The following FARP1 variants were observed in gnomAD, a reference collection of about 807,000 sequenced individuals.
FARP1 encodes FERM, ARH/RhoGEF and pleckstrin domain protein 1, also known as FERM, ARHGEF and pleckstrin domain-containing protein 1.
A neutral mutation model predicts 128.8 loss-of-function variants in FARP1; 52 were observed. That is an observed-to-expected ratio of 0.40 (90% confidence interval 0.32 to 0.51). FARP1 has a LOEUF of 0.51. FARP1 is among the 20% of genes least tolerant of loss of function. The pLI, the probability that FARP1 is intolerant of heterozygous loss-of-function variation, is 0.45. For synonymous variants in FARP1, 580 were observed against 551.8 expected, an observed-to-expected ratio of 1.05 and a Z score of -0.72; for missense variants, 1,333 against 1,367.9, an observed-to-expected ratio of 0.97 and a Z score of 0.40.
At position 98,446,166 on chromosome 13, in the gene FARP1, G is replaced by A. The variant is rs754186774; in HGVS notation, c.2865G>A (p.Val955=). The part of the protein sequence containing the change: ...NSNGWQKLWV[V]FTNFCLFFYK... ...ACGGGTGGCAGAAGCTGTGGGTGGTGTTCACAAACTTCTGCCTGTTCTTCT... is the reference window on the plus strand; with the variant it reads ...ACGGGTGGCAGAAGCTGTGGGTGGTATTCACAAACTTCTGCCTGTTCTTCT... Residue 955 remains valine, a synonymous_variant, in exon 25 of 27, where the codon GTG becomes GTA. Coordinates refer to ENST00000319562, the MANE Select transcript of FARP1 (RefSeq NM_005766.4). The A allele has an allele frequency of 1.2e-6, 2 of 1,613,960 alleles. No homozygotes were observed. Among genetic ancestry groups the A allele is most frequent in the South Asian group, 2.2e-5 (2 of 91,074 alleles).
intron 1 of FARP1, among the ~76,000 whole-genome samples, chr13:98,149,372 A>T (rs1254794040): frequency 6.6e-6 from 1 of 150,828 alleles, no homozygotes; most frequent in Admixed American, 6.7e-5. Flanking sequence ...TGGCCATTCA[A>T]GTTGTTTTCA....
At chr13:98,360,245 G>A (rs1336527507) in intron 3 of FARP1, among the ~76,000 whole-genome samples, 3 of 152,004 alleles carry the variant, frequency 2.0e-5, no homozygotes, top group East Asian at 3.9e-4. Context: ...ACAGGCATGC[G>A]CCACCACGGC....
chr13:98,295,440 T>G (rs1226548912), intron 2 of FARP1, among the ~76,000 whole-genome samples: 1 of 152,058 alleles, frequency 6.6e-6, no homozygotes, highest in East Asian at 1.9e-4. Flanking sequence ...TGCTAGCCAT[T>G]TAGATTTAAG....
chr13:98,229,511 T>C (rs1881987136), intron 2 of FARP1, among the ~76,000 whole-genome samples: 1 of 151,890 alleles, frequency 6.6e-6, no homozygotes, highest in African/African-American at 2.4e-5. Flanking sequence ...TTCTTTTTTT[T>C]TTTTGGAGAC....
chr13:98,323,657 T>G (rs1174087434), intron 2 of FARP1, among the ~76,000 whole-genome samples: 1 of 152,192 alleles, frequency 6.6e-6, no homozygotes, highest in Non-Finnish European at 1.5e-5. Context: ...TTTCTCTAAT[T>G]GGCACATCTC....
intron 1 of FARP1, among the ~76,000 whole-genome samples, chr13:98,182,252 C>T (rs1374728963): frequency 9.9e-6 from 1 of 101,202 alleles, no homozygotes; most frequent in Non-Finnish European, 1.9e-5. Flanking sequence ...ACTTGTTAGT[C>T]TTTTTACTGT....
chr13:98,410,249 C>T (rs757275392), intron 14 of FARP1, among the ~76,000 whole-genome samples: 62 of 152,240 alleles, frequency 4.1e-4, no homozygotes, highest in Non-Finnish European at 7.9e-4. Context: ...GACTGACAGC[C>T]GCCAAGGGAG....
chr13:98,359,793 G>A (rs1417883295), intron 3 of FARP1, among the ~76,000 whole-genome samples: 1 of 152,196 alleles, frequency 6.6e-6, no homozygotes, highest in African/African-American at 2.4e-5. Flanking sequence ...CCACCTAGGT[G>A]TGTGTAAGTT....
intron 2 of FARP1, among the ~76,000 whole-genome samples, chr13:98,256,950 T>C (rs1310663039): frequency 1.3e-4 from 2 of 15,126 alleles, no homozygotes; most frequent in Non-Finnish European, 2.0e-4. Context: ...TATATGTGGA[T>C]ATATATATAT....
intron 2 of FARP1, chr13:98,332,797 T>G (rs1887567738): frequency 6.6e-6 from 1 of 152,232 alleles, no homozygotes; most frequent in Non-Finnish European, 1.5e-5. Context: ...AAGCTGTGCT[T>G]CAGAGACAAG....
intron 2 of FARP1, among the ~76,000 whole-genome samples, chr13:98,264,400 C>T (rs1452036876): frequency 1.3e-5 from 2 of 152,232 alleles, no homozygotes; most frequent in Non-Finnish European, 2.9e-5. Context: ...CCGCCAGGGA[C>T]ATGAATCCTC....
chr13:98,440,311 C>T, intron 23 of FARP1, 76 bp downstream of exon 23: 5 of 1,060,720 alleles, frequency 4.7e-6, no homozygotes, highest in Non-Finnish European at 7.4e-6. Context: ...TCTAAAGCCA[C>T]CCCATCGGGT....
rs778599504 is a variant in FARP1, at chr13:98,427,894, G to A, written c.1906-3149G>A. Among the ~76,000 whole-genome samples, 40 of 152,192 alleles carry A rather than the reference G, an allele frequency of 2.6e-4. 1 individual carries two copies. Among genetic ancestry groups the A allele is most frequent in the Non-Finnish European group, 5.1e-4 (35 of 68,036 alleles). ...GAGTCACTGGCAGCCTTTTTGAGAAGTTAGTTGGGGTTTTTTTTAATTGCT... is the reference window on the plus strand; with the variant it reads ...GAGTCACTGGCAGCCTTTTTGAGAAATTAGTTGGGGTTTTTTTTAATTGCT... On this transcript the variant is annotated intron_variant, in intron 17 of 26. Coordinates refer to ENST00000319562, the MANE Select transcript of FARP1 (RefSeq NM_005766.4).
At chr13:98,198,219 C>A (rs1454426608) in intron 1 of FARP1, among the ~76,000 whole-genome samples, 1 of 152,158 alleles carries the variant, frequency 6.6e-6, no homozygotes, top group African/African-American at 2.4e-5. Context: ...TGCCAGTGAG[C>A]CCCAGGACTT....
intron 5 of FARP1, among the ~76,000 whole-genome samples, chr13:98,368,846 T>C (rs1889208306): frequency 1.3e-5 from 2 of 152,002 alleles, no homozygotes; most frequent in Non-Finnish European, 1.5e-5. Flanking sequence ...TCACCATCAC[T>C]GTTTTCATTG....
intron 26 of FARP1, chr13:98,447,983 G>T: frequency 1.9e-6 from 1 of 539,474 alleles, no homozygotes. Context: ...GCTCCTAACT[G>T]CTCCAATGGA....
In FARP1 at chr13:98,453,658, T is replaced by C. The variant is rs904420336; in HGVS notation, c.*5341T>C. ...TCCTAGAACTGCTTCCGAAATATGG[T>C]CCAAAGCAGGAACAACGTGTCTGCA... On this transcript the variant is annotated 3_prime_UTR_variant, in exon 27 of 27. Transcript: ENST00000319562. The C allele has an allele frequency of 6.5e-6, 1 of 154,896 alleles. No homozygotes were observed. Among genetic ancestry groups the C allele is most frequent in the African/African-American group, 2.4e-5 (1 of 41,324 alleles). 9.6% of individuals were successfully genotyped at this position (154,896 alleles called of 1,614,324 possible). A position where few individuals can be genotyped will look rare whatever the true frequency, so the allele number is the denominator to read the frequency against.
At position 98,390,064 on chromosome 13, in the gene FARP1, G is replaced by A; in HGVS notation, c.963G>A (p.Glu321=). ...EHHAFFRLFE[E]PKPKPKPVLF... ...ATGCCTTCTTTAGACTTTTTGAAGAGCCCAAACCAAAGCCCAAGCCCGTCC... is the reference window on the plus strand; with the variant it reads ...ATGCCTTCTTTAGACTTTTTGAAGAACCCAAACCAAAGCCCAAGCCCGTCC... The change falls in exon 10 of 27, where the codon GAG becomes GAA. Residue 321 remains glutamate (E), a synonymous_variant. Coordinates refer to ENST00000319562, the MANE Select transcript of FARP1 (RefSeq NM_005766.4). The A allele has an allele frequency of 6.2e-7, 1 of 1,614,172 alleles. No individual in the cohort carries two copies.
intron 18 of FARP1, 134 bp downstream of exon 18, chr13:98,431,414 G>T (rs1044056614): frequency 3.4e-5 from 20 of 588,078 alleles, no homozygotes; most frequent in Non-Finnish European, 5.6e-5. Context: ...TTTTCATCAG[G>T]GTGGGCGCCG....
Sources: gnomAD v4.1 joint callset for allele counts (sites outside exome capture counted in the v4.1 genomes callset) on GRCh38, gnomAD v4.1.1 for gene constraint, MANE v1.5 for transcripts, NCBI Gene and HGNC (gene_info 2026-07-23, HGNC 2026-07-21) for gene names.